UGT1A7: variants seen among roughly 807,000 people sequenced by gnomAD.
UGT1A7 encodes UDP-glucuronosyltransferase 1A7.
Under a neutral mutation model 45.6 loss-of-function variants are expected in UGT1A7, and 33 were observed. That is an observed-to-expected ratio of 0.72 (90% CI 0.55 to 0.97). UGT1A7 has a LOEUF of 0.97. Ranked by LOEUF, UGT1A7 falls within the 50% of genes least tolerant of loss-of-function variation. The pLI is 0.00. For synonymous variants in UGT1A7, 274 were observed against 250.6 expected, an observed-to-expected ratio of 1.09 and a Z score of -0.88; for missense variants, 684 against 666.2, an observed-to-expected ratio of 1.03 and a Z score of -0.29.
intron 1 of UGT1A7, among the ~76,000 whole-genome samples, chr2:233,694,689 C>A (rs1300975135): frequency 6.6e-6 from 1 of 152,142 alleles, no homozygotes; most frequent in Non-Finnish European, 1.5e-5. Context: ...TCCCAAAGAC[C>A]CTTACCTCTC....
In UGT1A7 at chr2:233,769,574, T is replaced by C. The variant is rs1345352154; in HGVS notation, c.1295+1135T>C. 4 of 1,612,752 alleles carry C rather than the reference T, an allele frequency of 2.5e-6. No individual in the cohort carries two copies. The highest frequency in any genetic ancestry group is 3.3e-5 in the Admixed American group (2 of 59,992). On this transcript the variant is annotated intron_variant, in intron 4 of 4. Transcript: ENST00000373426. The surrounding 1 kb of genome is among the most constrained non-coding windows in gnomAD (Gnocchi z 4.4). ...AAGACAGATGTGAAGAGCTGGAGCA[T>C]GTTCAGATGAGAGGAGACGGAACAC... is the stretch of plus-strand genomic sequence containing the variant.
chr2:233,767,044 C>T lies in UGT1A7; in HGVS notation c.866C>T (p.Ala289Val), dbSNP rs758873309. The T allele has an allele frequency of 6.2e-7, 1 of 1,613,992 alleles. No individual in the cohort carries two copies. The highest frequency in any genetic ancestry group is 1.1e-5 in the South Asian group (1 of 91,046). ...TTCTTCTGGCTCTAGGAATTTGAAG[C>T]CTACATTAATGCTTCTGGAGAACAT... ...QGKPVPMEFE[A>V]YINASGEHGI... is the part of the protein sequence containing the mutation. The change falls in exon 2 of 5, where the codon GCC becomes GTC. Residue 289 changes from alanine to valine, a missense_variant. Ala to Val is a moderately conservative substitution (Grantham distance 64). Coordinates refer to ENST00000373426, the MANE Select transcript of UGT1A7 (RefSeq NM_019077.3).
At chr2:233,757,562 G>GTATATATATATA (rs1491042837) in intron 1 of UGT1A7, among the ~76,000 whole-genome samples, 1 of 90,870 alleles carries the variant, frequency 1.1e-5, no homozygotes, top group Non-Finnish European at 2.1e-5. Flanking sequence ...ATATATATAT[G>GTATATATATATA]TATATATGAT....
intron 1 of UGT1A7, among the ~76,000 whole-genome samples, chr2:233,745,990 G>A (rs1261244723): frequency 3.3e-5 from 5 of 151,696 alleles, no homozygotes; most frequent in African/African-American, 1.2e-4. Context: ...TGACAGCTGG[G>A]TCTGAGAGAC....
At chr2:233,691,740 AC>A in intron 1 of UGT1A7, 1 of 684,072 alleles carries the variant, frequency 1.5e-6, no homozygotes. Context: ...AGAAGCAGAT[AC>A]CAGGCTTTCT....
intron 1 of UGT1A7, among the ~76,000 whole-genome samples, chr2:233,725,204 A>C (rs1419475317): frequency 1.4e-4 from 12 of 85,222 alleles, no homozygotes; most frequent in African/African-American, 6.2e-4. Flanking sequence ...AGGCAGAGGC[A>C]GAGGCAGAGG....
chr2:233,728,193 T>C (rs906466862), intron 1 of UGT1A7, among the ~76,000 whole-genome samples: 7 of 152,224 alleles, frequency 4.6e-5, no homozygotes, highest in African/African-American at 1.7e-4. Context: ...AACTTGGTGC[T>C]GGATTGACTT....
chr2:233,694,469 T>A (rs138787625), intron 1 of UGT1A7, among the ~76,000 whole-genome samples: 8 of 152,338 alleles, frequency 5.3e-5, no homozygotes, highest in African/African-American at 1.9e-4. Context: ...AAAAGGGGTA[T>A]GGCCTCTGAC....
chr2:233,727,845 A>G (rs1384515485), intron 1 of UGT1A7, among the ~76,000 whole-genome samples: 1 of 152,084 alleles, frequency 6.6e-6, no homozygotes, highest in East Asian at 1.9e-4. Context: ...ATGTGGAGTA[A>G]TTTCCTCCCT....
At chr2:233,684,489 A>T (rs1035081818) in intron 1 of UGT1A7, among the ~76,000 whole-genome samples, 1 of 152,168 alleles carries the variant, frequency 6.6e-6, no homozygotes, top group African/African-American at 2.4e-5. Flanking sequence ...TCAAAGGGTC[A>T]CCCAAAGGGA....
intron 1 of UGT1A7, chr2:233,743,704 C>T (rs773531190): frequency 8.8e-6 from 12 of 1,367,244 alleles, no homozygotes; most frequent in East Asian, 4.5e-5. Flanking sequence ...CCTCCGCCCC[C>T]GCCTCGCCAT....
intron 1 of UGT1A7, chr2:233,760,308 C>A (rs780253764): frequency 4.3e-6 from 7 of 1,613,678 alleles, no homozygotes; most frequent in South Asian, 1.1e-5. Context: ...AGTCCCAGGG[C>A]GGACGCCCAC....
In UGT1A7 at chr2:233,747,979, T is replaced by C. The variant is rs1334158075; in HGVS notation, c.856-19055T>C. 3.7e-6 allele frequency: 6 copies of C among 1,613,558 alleles called. No homozygotes were observed. The East Asian group carries it at 1.3e-4, about 36-fold the overall frequency. ...CTTCTCAGCCATGCATCTGTGTGGCTGTTCCGAGGGGACTTTGTGATGGAT... is the reference window on the plus strand; with the variant it reads ...CTTCTCAGCCATGCATCTGTGTGGCCGTTCCGAGGGGACTTTGTGATGGAT... On this transcript the variant is annotated intron_variant, in intron 1 of 4. Transcript: ENST00000373426.
At position 233,773,153 on chromosome 2, in the gene UGT1A7, T is replaced by C. The variant is rs2126068054; in HGVS notation, c.*594T>C. 6.5e-6 allele frequency: 1 copy of C among 154,246 alleles called. No individual in the cohort carries two copies. The highest frequency in any genetic ancestry group is 3.4e-3 in the Middle Eastern group (1 of 294). 9.6% of individuals were successfully genotyped at this position (154,246 alleles called of 1,614,324 possible). A position where few individuals can be genotyped will look rare whatever the true frequency, so the allele number is the denominator to read the frequency against. On this transcript the variant is annotated 3_prime_UTR_variant, in exon 5 of 5. Coordinates refer to ENST00000373426, the MANE Select transcript of UGT1A7 (RefSeq NM_019077.3). ...ATGATGCTATGAAATTGGTGGGTGG[T>C]GTATTTGAGAAGATAATCATTGCTT...
chr2:233,714,236 G>A (rs560631891), intron 1 of UGT1A7, among the ~76,000 whole-genome samples: 1 of 152,282 alleles, frequency 6.6e-6, no homozygotes, highest in South Asian at 2.1e-4. Flanking sequence ...ATTTTCAGTA[G>A]AAAGGAGGAA....
At chr2:233,699,301 G>A (rs1359484786) in intron 1 of UGT1A7, among the ~76,000 whole-genome samples, 1 of 152,060 alleles carries the variant, frequency 6.6e-6, no homozygotes, top group African/African-American at 2.4e-5. Flanking sequence ...ACACTCTTAT[G>A]CTGTCCTTTT....
intron 1 of UGT1A7, chr2:233,747,681 T>G (rs1693750357): frequency 1.2e-6 from 2 of 1,608,352 alleles, no homozygotes; most frequent in Admixed American, 1.7e-5. Flanking sequence ...AATTTACCTC[T>G]GTGGGGCAGT....
At chr2:233,710,183 T>C (rs1189397959) in intron 1 of UGT1A7, among the ~76,000 whole-genome samples, 1 of 152,232 alleles carries the variant, frequency 6.6e-6, no homozygotes, top group East Asian at 1.9e-4. Context: ...TTGATGGACA[T>C]GTGGATAGTT....
chr2:233,747,127 T>C, intron 1 of UGT1A7: 1 of 1,513,692 alleles, frequency 6.6e-7, no homozygotes, highest in South Asian at 1.2e-5. Context: ...GCTAAGTGGC[T>C]CAGTGACAAG....
Sources: allele counts gnomAD v4.1 joint callset (sites outside exome capture counted in the v4.1 genomes callset), GRCh38; gene constraint gnomAD v4.1.1; non-coding constraint Gnocchi (gnomAD v3.1); transcripts MANE v1.5; gene names NCBI Gene and HGNC (gene_info 2026-07-23, HGNC 2026-07-21).